The following EPHA5 variants were observed in gnomAD, a reference collection of about 807,000 sequenced individuals.
EPHA5 encodes EPH receptor A5.
EPHA5 carries 60 observed loss-of-function variants against 105.0 expected under a neutral mutation model. That is an observed-to-expected ratio of 0.57 (90% CI 0.46 to 0.71). The LOEUF (loss-of-function observed/expected upper bound fraction) is 0.71, where lower values mean the gene tolerates loss of function less well. Among genes scored for constraint, EPHA5 ranks in the 30% least tolerant of loss-of-function variants. EPHA5 has a pLI of 0.00. For missense variants in EPHA5, 1,218 were observed against 1,274.7 expected, an observed-to-expected ratio of 0.96 and a Z score of 0.68; for synonymous variants, 513 against 449.1, an observed-to-expected ratio of 1.14 and a Z score of -1.80.
chr4:65,582,656 A>G (rs1276885749), intron 3 of EPHA5, among the ~76,000 whole-genome samples: 2 of 151,632 alleles, frequency 1.3e-5, no homozygotes, highest in African/African-American at 4.8e-5. Context: ...TTATCTGAGG[A>G]AAGAGGAAAA....
intron 3 of EPHA5, among the ~76,000 whole-genome samples, chr4:65,546,108 C>T (rs1311171626): frequency 6.6e-6 from 1 of 151,896 alleles, no homozygotes; most frequent in Non-Finnish European, 1.5e-5. Flanking sequence ...CATTGGATGA[C>T]CTCTGTTCCA....
intron 3 of EPHA5, among the ~76,000 whole-genome samples, chr4:65,553,991 T>C (rs1439514270): frequency 6.6e-6 from 1 of 151,934 alleles, no homozygotes; most frequent in African/African-American, 2.4e-5. Flanking sequence ...CCAAATTTAA[T>C]TACACTTTCA....
intron 1 of EPHA5, among the ~76,000 whole-genome samples, chr4:65,651,730 G>C (rs147969077): frequency 1.8e-3 from 269 of 152,200 alleles, no homozygotes; most frequent in African/African-American, 5.7e-3. Context: ...TTAAGCAGTA[G>C]AATATTCATA....
chr4:65,340,764 G>T (rs1240475193), intron 14 of EPHA5, among the ~76,000 whole-genome samples: 1 of 152,168 alleles, frequency 6.6e-6, no homozygotes, highest in Non-Finnish European at 1.5e-5. Context: ...CAAGAGAATA[G>T]AGCATGTCAA....
chr4:65,468,952 G>A (rs1165001838), intron 5 of EPHA5, among the ~76,000 whole-genome samples: 1 of 151,982 alleles, frequency 6.6e-6, no homozygotes, highest in African/African-American at 2.4e-5. Context: ...GTTCCATGGG[G>A]AAGTCTGTGG....
chr4:65,553,313 C>T (rs1738096383), intron 3 of EPHA5, among the ~76,000 whole-genome samples: 1 of 151,990 alleles, frequency 6.6e-6, no homozygotes, highest in African/African-American at 2.4e-5. Flanking sequence ...CTGTTCAACC[C>T]TGGAAGGTTG....
intron 3 of EPHA5, 118 bp from the exon 4 acceptor site, chr4:65,495,661 C>G (rs1348442095): frequency 8.9e-6 from 7 of 789,384 alleles, no homozygotes; most frequent in African/African-American, 1.8e-5. Context: ...ATCTTTGCAT[C>G]AATTTCAAGA....
intron 11 of EPHA5, among the ~76,000 whole-genome samples, chr4:65,356,985 T>C (rs552235087): frequency 6.6e-6 from 1 of 151,638 alleles, no homozygotes; most frequent in Admixed American, 6.6e-5. Flanking sequence ...AAAATCCATA[T>C]AAAAATAACT....
At chr4:65,569,114 G>A (rs915715254) in intron 3 of EPHA5, among the ~76,000 whole-genome samples, 5 of 151,382 alleles carry the variant, frequency 3.3e-5, no homozygotes, top group African/African-American at 1.2e-4. Flanking sequence ...CTATTTTGAA[G>A]ATATATTAAT....
intron 3 of EPHA5, among the ~76,000 whole-genome samples, chr4:65,510,012 T>A (rs1217316414): frequency 6.6e-6 from 1 of 151,122 alleles, no homozygotes; most frequent in African/African-American, 2.4e-5. Flanking sequence ...TTCTATGCAA[T>A]TTCAGATGAT....
chr4:65,530,290 T>C (rs1306620530), intron 3 of EPHA5, among the ~76,000 whole-genome samples: 1 of 152,130 alleles, frequency 6.6e-6, no homozygotes, highest in Non-Finnish European at 1.5e-5. Flanking sequence ...TTAACGGCTG[T>C]TACTATGAGC....
At chr4:65,366,800 G>A (rs1717951666) in intron 9 of EPHA5, among the ~76,000 whole-genome samples, 1 of 151,766 alleles carries the variant, frequency 6.6e-6, no homozygotes, top group Admixed American at 6.6e-5. Flanking sequence ...ACCATTTAAG[G>A]AAAAATAATA....
intron 7 of EPHA5, among the ~76,000 whole-genome samples, chr4:65,410,785 A>G (rs1038121848): frequency 7.2e-5 from 11 of 152,202 alleles, no homozygotes; most frequent in African/African-American, 2.7e-4. Flanking sequence ...AAAAAACACA[A>G]TATCATTATT....
rs1194255172 is a variant in EPHA5 at position 65,490,489 on chromosome 4, A to T, written c.1290T>A (p.Asp430Glu). The part of the protein sequence containing the change: ...GLKNTSVMMV[D>E]LLAHTNYTFE... ...AGGTATAGTTTGTGTGAGCGAGTAG[A>T]TCCACCATCATGACAGAGGTGTTTT... Residue 430 changes from aspartate to glutamate, a missense_variant, in exon 5 of 17, where the codon GAT (aspartate) becomes GAA (glutamate). Asp to Glu is a conservative substitution (Grantham distance 45). Around this residue, in one of 3 missense-constraint regions of EPHA5, gnomAD observed 971 missense variants for 1,013.5 expected, o/e 0.96. Coordinates refer to ENST00000613740, the MANE Select transcript of EPHA5 (RefSeq NM_001281766.3). 3 of 1,614,010 alleles carry T rather than the reference A, an allele frequency of 1.9e-6. No individual in the cohort carries two copies. The highest frequency in any genetic ancestry group is 2.5e-6 in the Non-Finnish European group (3 of 1,180,026).
intron 3 of EPHA5, among the ~76,000 whole-genome samples, chr4:65,580,928 T>A (rs1214732345): frequency 2.6e-5 from 4 of 151,974 alleles, no homozygotes; most frequent in Non-Finnish European, 5.9e-5. Context: ...ATATCCCAAG[T>A]AATTACAAGA....
At chr4:65,506,699 G>A (rs1035878971) in intron 3 of EPHA5, among the ~76,000 whole-genome samples, 7 of 150,738 alleles carry the variant, frequency 4.6e-5, no homozygotes, top group Admixed American at 2.0e-4. Context: ...CATATCCTTC[G>A]CCCGCTTGTT....
Position 65,413,858 on chromosome 4 carries a change from A to C in EPHA5, c.1687+426T>G, listed in dbSNP as rs531321401. Among the ~76,000 whole-genome samples the C allele has an allele frequency of 2.2e-4, 34 of 152,330 alleles. 1 individual carries two copies. Among genetic ancestry groups the C allele is most frequent in the Non-Finnish European group, 3.5e-4 (24 of 68,012 alleles). On this transcript the variant is annotated intron_variant, in intron 7 of 16. Transcript: ENST00000613740. ...TTAATATATTTTATGAGATCAGATT[A>C]GTTCCTGAGAGCACCATTTTCTTGC...
At chr4:65,650,432 C>T (rs1382930796) in intron 1 of EPHA5, among the ~76,000 whole-genome samples, 5 of 151,422 alleles carry the variant, frequency 3.3e-5, no homozygotes, top group East Asian at 1.9e-4. Flanking sequence ...TGGTGGCGGG[C>T]GCCCGTAGTC....
intron 2 of EPHA5, 32 bp from the exon 3 acceptor site, chr4:65,602,336 A>T (rs62748761): frequency 8.8e-7 from 1 of 1,132,196 alleles, no homozygotes; most frequent in South Asian, 1.7e-5. Context: ...GATAAAAAAA[A>T]TTCAAAAAAT....
Sources: allele counts gnomAD v4.1 joint callset (sites outside exome capture counted in the v4.1 genomes callset), GRCh38; gene constraint gnomAD v4.1.1; regional missense constraint gnomAD v4.1.1; transcripts MANE v1.5; gene names NCBI Gene and HGNC (gene_info 2026-07-23, HGNC 2026-07-21).